CPEB2: variants seen among roughly 807,000 people sequenced by gnomAD.
The protein encoded by CPEB2 is cytoplasmic polyadenylation element binding protein 2.
In CPEB2, 56 loss-of-function variants were observed where a neutral mutation model predicts 93.6. That is an observed-to-expected ratio of 0.60 (90% CI 0.48 to 0.75). The LOEUF is 0.75. Ranked by LOEUF, CPEB2 falls within the 30% of genes least tolerant of loss-of-function variation. CPEB2 has a pLI of 0.00. For missense variants in CPEB2, 1,579 were observed against 1,395.1 expected, an observed-to-expected ratio of 1.13 and a Z score of -2.10; for synonymous variants, 764 against 586.3, an observed-to-expected ratio of 1.30 and a Z score of -4.38.
chr4:15,012,143 T>A (rs953829448), intron 3 of CPEB2, among the ~76,000 whole-genome samples: 1 of 152,244 alleles, frequency 6.6e-6, no homozygotes, highest in Non-Finnish European at 1.5e-5. Context: ...CAGATGAACT[T>A]CAGGGACATT....
chr4:15,041,079 A>G (rs1176157862), intron 6 of CPEB2, among the ~76,000 whole-genome samples: 1 of 152,040 alleles, frequency 6.6e-6, no homozygotes, highest in Non-Finnish European at 1.5e-5. Context: ...CTCCCCCACA[A>G]AAGTATTCCC....
chr4:15,056,058 T>C (rs1728687154), intron 8 of CPEB2, among the ~76,000 whole-genome samples: 1 of 152,218 alleles, frequency 6.6e-6, no homozygotes, highest in Admixed American at 6.5e-5. Flanking sequence ...GTAATTATTT[T>C]ATTAATGTCA....
At chr4:15,044,905 CTT>C in intron 6 of CPEB2, among the ~76,000 whole-genome samples, 1 of 152,218 alleles carries the variant, frequency 6.6e-6, no homozygotes, top group African/African-American at 2.4e-5. Context: ...TCTCTTATTA[CTT>C]CATTCATCTA....
Position 15,052,421 on chromosome 4 carries a change from T to G in CPEB2, c.2208T>G (p.Ser736=). Residue 736 remains serine (S), a synonymous_variant, in exon 7 of 12, where the codon TCT becomes TCG. Coordinates refer to ENST00000538197, the MANE Select transcript of CPEB2 (RefSeq NM_001177382.2). ...ARSYGRRRGR[S]SLFPIDDGLL... ...ATTTGTTCTTTATTCTAGGTCGTTC[T>G]TCCCTCTTTCCAATAGATGATGGCT... 3 of 1,496,654 alleles carry G rather than the reference T, an allele frequency of 2.0e-6. No homozygotes were observed. In the South Asian group the frequency reaches 4.1e-5, roughly 21 times the overall value. The allele number at this position is 1,496,654 out of a possible 1,614,324, so 92.7% of individuals were successfully genotyped here. A position where few individuals can be genotyped will look rare whatever the true frequency, so the allele number is the denominator to read the frequency against.
chr4:15,004,832 T>G (rs1722567872), intron 1 of CPEB2: 1 of 151,000 alleles, frequency 6.6e-6, no homozygotes, highest in Non-Finnish European at 1.5e-5. Context: ...CCGTGGGAAG[T>G]GAACTTGGGC....
chr4:15,045,930 TTAG>T (rs1228391810), intron 6 of CPEB2, among the ~76,000 whole-genome samples: 8 of 152,196 alleles, frequency 5.3e-5, no homozygotes, highest in South Asian at 4.1e-4. Context: ...GAAATTACAA[TTAG>T]TAGTTTTTAT....
At chr4:15,061,641 T>C (rs1384835645) in intron 10 of CPEB2, among the ~76,000 whole-genome samples, 1 of 151,004 alleles carries the variant, frequency 6.6e-6, no homozygotes, top group Non-Finnish European at 1.5e-5. Context: ...GAGCAGTAGC[T>C]GAGAGGGAGA....
At chr4:15,059,353 A>T in intron 10 of CPEB2, 52 bp downstream of exon 10, 1 of 1,172,100 alleles carries the variant, frequency 8.5e-7, no homozygotes, top group Admixed American at 1.8e-5. Flanking sequence ...AATATGTCCT[A>T]GTCAATTTAA....
At chr4:15,032,053 CCCAGA>C (rs1726169425) in intron 4 of CPEB2, among the ~76,000 whole-genome samples, 1 of 152,090 alleles carries the variant, frequency 6.6e-6, no homozygotes, top group African/African-American at 2.4e-5. Context: ...AAAATGTAAT[CCCAGA>C]CATTTAATTT....
In CPEB2 at chr4:15,025,529, C is replaced by T. The variant is rs539343984; in HGVS notation, c.2126-7632C>T. Among the ~76,000 whole-genome samples, 78 of 151,894 alleles carry T rather than the reference C, an allele frequency of 5.1e-4. 1 individual carries two copies. Among genetic ancestry groups the T allele is most frequent in the South Asian group, 5.0e-3 (24 of 4,802 alleles). On this transcript the variant is annotated intron_variant, in intron 4 of 11. Transcript: ENST00000538197. ...TGTAATAAGTCAATCAGGTGAGACC[C>T]TCACCATGCCTGTGTCTAGGTCTTT...
intron 3 of CPEB2, among the ~76,000 whole-genome samples, chr4:15,011,332 C>T (rs1019204613): frequency 1.1e-4 from 17 of 152,026 alleles, no homozygotes; most frequent in African/African-American, 3.9e-4. Context: ...AACTCCTGAT[C>T]TCATGTAATC....
chr4:15,003,057 C>T lies in CPEB2; in HGVS notation c.384C>T (p.Ile128=). The change falls in exon 1 of 12, where the codon ATC becomes ATT. Residue 128 remains isoleucine (I), a synonymous_variant. Coordinates refer to ENST00000538197, the MANE Select transcript of CPEB2 (RefSeq NM_001177382.2). ...LPDHHPGGGT[I]AGVTHLLPSQ... Reference sequence around the variant, plus strand: ...ACCACCACCCCGGCGGCGGCACGATCGCGGGTGTGACCCACCTCCTCCCCT... The same window carrying T: ...ACCACCACCCCGGCGGCGGCACGATTGCGGGTGTGACCCACCTCCTCCCCT... The T allele has an allele frequency of 1.3e-6, 2 of 1,520,058 alleles. No homozygotes were observed. Among genetic ancestry groups the T allele is most frequent in the Non-Finnish European group, 1.8e-6 (2 of 1,141,982 alleles). The allele number at this position is 1,520,058 out of a possible 1,614,324, so 94.2% of individuals were successfully genotyped here. A position where few individuals can be genotyped will look rare whatever the true frequency, so the allele number is the denominator to read the frequency against.
intron 6 of CPEB2, among the ~76,000 whole-genome samples, chr4:15,046,915 G>A (rs568068742): frequency 1.3e-4 from 20 of 152,220 alleles, no homozygotes; most frequent in Admixed American, 6.5e-4. Flanking sequence ...TTCTAGTTTC[G>A]TTGTTTTAAC....
Position 15,003,179 on chromosome 4 carries a change from GGCAGCA to G in CPEB2, c.515_520del (p.Gln172_Gln173del). On this transcript the variant is annotated inframe_deletion, in exon 1 of 12. Coordinates refer to ENST00000538197, the MANE Select transcript of CPEB2 (RefSeq NM_001177382.2). ...TCCTCCCCGCAGGACTTCAGTAAGC[GGCAGCA>G]GCAGCAGCTGAGCAGCCAGAAGAGG... The G allele has an allele frequency of 6.5e-7, 1 of 1,533,686 alleles. No homozygotes were observed. The highest frequency in any genetic ancestry group is 2.0e-5 in the Admixed American group (1 of 50,858).
chr4:15,003,729 C>T lies in CPEB2; in HGVS notation c.1056C>T (p.Gly352=), dbSNP rs1337236416. The T allele has an allele frequency of 5.8e-6, 7 of 1,209,188 alleles. No homozygotes were observed. The highest frequency in any genetic ancestry group is 2.8e-5 in the South Asian group (1 of 36,330). 74.9% of individuals were successfully genotyped at this position (1,209,188 alleles called of 1,614,324 possible). A position where few individuals can be genotyped will look rare whatever the true frequency, so the allele number is the denominator to read the frequency against. ...LQSPDLPHPG[G]GGGGGGGGPP... ...GCCCGGACCTTCCACACCCGGGCGG[C>T]GGCGGCGGCGGCGGGGGCGGGGGGC... Residue 352 remains glycine, a synonymous_variant, in exon 1 of 12, where the codon GGC becomes GGT. Coordinates refer to ENST00000538197, the MANE Select transcript of CPEB2 (RefSeq NM_001177382.2).
Position 15,003,127 on chromosome 4 carries a change from GCCT to G in CPEB2, c.461_463del (p.Ser154del), listed in dbSNP as rs758665088. On this transcript the variant is annotated inframe_deletion, in exon 1 of 12. Coordinates refer to ENST00000538197, the MANE Select transcript of CPEB2 (RefSeq NM_001177382.2). ...TCTGCACCACCCCTCCTCCTCCTCC[GCCT>G]CCTCCTGCTGCTGCTGCCGCACCTC... 1.3e-6 allele frequency: 2 copies of G among 1,530,352 alleles called. No homozygotes were observed. The highest frequency in any genetic ancestry group is 8.7e-7 in the Non-Finnish European group (1 of 1,144,826). 94.8% of individuals were successfully genotyped at this position (1,530,352 alleles called of 1,614,324 possible). A position where few individuals can be genotyped will look rare whatever the true frequency, so the allele number is the denominator to read the frequency against.
intron 6 of CPEB2, among the ~76,000 whole-genome samples, chr4:15,046,688 T>C (rs565615243): frequency 6.6e-6 from 1 of 152,340 alleles, no homozygotes; most frequent in East Asian, 1.9e-4. Flanking sequence ...ACAAGTCTTT[T>C]GCTCATTTTT....
At chr4:15,019,235 TA>T (rs796848841) in intron 4 of CPEB2, among the ~76,000 whole-genome samples, 3 of 151,546 alleles carry the variant, frequency 2.0e-5, no homozygotes, top group African/African-American at 7.2e-5. Context: ...AATAAAAAAA[TA>T]AGACTGATAT....
intron 6 of CPEB2, among the ~76,000 whole-genome samples, chr4:15,041,270 A>G (rs1366716317): frequency 6.6e-6 from 1 of 152,200 alleles, no homozygotes. Flanking sequence ...TGTTCTTTAA[A>G]TGAGCAATAA....
Sources: gnomAD v4.1 joint callset for allele counts (sites outside exome capture counted in the v4.1 genomes callset) on GRCh38, gnomAD v4.1.1 for gene constraint, MANE v1.5 for transcripts, NCBI Gene and HGNC (gene_info 2026-07-23, HGNC 2026-07-21) for gene names.